ARNT: variants seen among roughly 807,000 people sequenced by gnomAD.
ARNT encodes aryl hydrocarbon receptor nuclear translocator, also known as class E basic helix-loop-helix protein 2.
In ARNT, 30 loss-of-function variants were observed where a neutral mutation model predicts 105.0. That is an observed-to-expected ratio of 0.29 (90% CI 0.21 to 0.39). The LOEUF is 0.39. Ranked by LOEUF, ARNT falls within the 10% of genes least tolerant of loss-of-function variation. ARNT has a pLI of 1.00. For synonymous variants in ARNT, 304 were observed against 344.0 expected, an observed-to-expected ratio of 0.88 and a Z score of 1.29; for missense variants, 748 against 978.7, an observed-to-expected ratio of 0.76 and a Z score of 3.15.
In ARNT at chr1:150,834,650, G is replaced by A. The variant is rs1181974060; in HGVS notation, c.701-10C>T. 1.2e-6 allele frequency: 2 copies of A among 1,612,546 alleles called. No homozygotes were observed. The highest frequency in any genetic ancestry group is 1.1e-5 in the South Asian group (1 of 91,024). On this transcript the variant is annotated splice_polypyrimidine_tract_variant and intron_variant, in intron 7 of 21. Transcript: ENST00000358595. ...AGATCCAGGATACGCCCTGAAGGAA[G>A]ATGTGAAGAGCAGTCTGGAGTGCAT...
chr1:150,827,927 G>A (rs1437459004), intron 12 of ARNT, among the ~76,000 whole-genome samples: 1 of 152,072 alleles, frequency 6.6e-6, no homozygotes, highest in Non-Finnish European at 1.5e-5. Context: ...AAAAGATGTT[G>A]AGCATCTTTT....
rs1397204692 is a variant in ARNT at position 150,876,459 on chromosome 1, C to T, written c.25+84G>A. On this transcript the variant is annotated intron_variant, in intron 1 of 21. Transcript: ENST00000358595. ...GCCCCGGCGCCTTCAGCTCCAGCTG[C>T]GTCCCCTCAGCCCTGGGTCTCCTTA... 9 of 1,523,536 alleles carry T rather than the reference C, an allele frequency of 5.9e-6. 1 individual carries two copies. Among genetic ancestry groups the T allele is most frequent in the Non-Finnish European group, 7.9e-6 (9 of 1,136,618 alleles). 94.4% of individuals were successfully genotyped at this position (1,523,536 alleles called of 1,614,324 possible).
intron 14 of ARNT, among the ~76,000 whole-genome samples, chr1:150,819,379 G>A (rs1210864162): frequency 6.6e-6 from 1 of 152,158 alleles, no homozygotes; most frequent in East Asian, 1.9e-4. Flanking sequence ...CCACTCCTGG[G>A]TGGAATTCAA....
intron 12 of ARNT, 45 bp from the exon 13 acceptor site, chr1:150,826,662 A>T: frequency 1.5e-6 from 2 of 1,370,770 alleles, no homozygotes; most frequent in Non-Finnish European, 2.0e-6. Context: ...TTTTTTTTTT[A>T]AGATGGAGTT....
intron 3 of ARNT, 54 bp downstream of exon 3, chr1:150,852,708 T>C (rs1315057641): frequency 2.2e-5 from 33 of 1,524,162 alleles, no homozygotes; most frequent in Middle Eastern, 1.7e-4. Context: ...AGTATAAAGA[T>C]CATAAACTAA....
intron 14 of ARNT, among the ~76,000 whole-genome samples, chr1:150,822,171 A>G (rs1275425532): frequency 6.6e-6 from 1 of 152,140 alleles, no homozygotes. Flanking sequence ...CACAAATATC[A>G]AAAGAATTTT....
rs1338670659 is a variant in ARNT, at chr1:150,831,677, G to A, written c.955+141C>T. ...AGCTCAATAATGGAAGGGAAGGATT[G>A]TACATTTTCTTTTCCTATTTTCTTT... On this transcript the variant is annotated intron_variant, in intron 10 of 21. Coordinates refer to ENST00000358595, the MANE Select transcript of ARNT (RefSeq NM_001668.4). 6.6e-6 allele frequency: 4 copies of A among 604,448 alleles called. No homozygotes were observed. The Admixed American group carries it at 1.4e-4, about 21-fold the overall frequency. 37.4% of individuals were successfully genotyped at this position (604,448 alleles called of 1,614,324 possible). A position where few individuals can be genotyped will look rare whatever the true frequency, so the allele number is the denominator to read the frequency against.
At chr1:150,863,696 A>C (rs1180129872) in intron 1 of ARNT, among the ~76,000 whole-genome samples, 1 of 151,934 alleles carries the variant, frequency 6.6e-6, no homozygotes, top group South Asian at 2.1e-4. Context: ...AGGCGCCTGT[A>C]ATCCCAGCTA....
At position 150,846,294 on chromosome 1, in the gene ARNT, GATC is replaced by G. The variant is rs746068568; in HGVS notation, c.193_195del (p.Asp65del). The G allele has an allele frequency of 1.7e-4, 275 of 1,613,568 alleles. 5 individuals carry two copies. In the Middle Eastern group the frequency reaches 3.5e-3, roughly 20 times the overall value. On this transcript the variant is annotated inframe_deletion, in exon 4 of 22. Transcript: ENST00000358595. Reference sequence around the variant, plus strand: ...AACCGCTCCTTATCGTTAGACATCTGATCATCATCACACCTGAAGGAGAGAAAA... The same window carrying G: ...AACCGCTCCTTATCGTTAGACATCTGATCATCACACCTGAAGGAGAGAAAA...
intron 3 of ARNT, among the ~76,000 whole-genome samples, chr1:150,852,157 A>G (rs760895130): frequency 6.6e-6 from 1 of 152,230 alleles, no homozygotes; most frequent in Non-Finnish European, 1.5e-5. Flanking sequence ...ACCTCAACCA[A>G]TGAATTACAC....
At chr1:150,844,179 G>C (rs1661754302) in intron 4 of ARNT, among the ~76,000 whole-genome samples, 1 of 152,116 alleles carries the variant, frequency 6.6e-6, no homozygotes, top group Admixed American at 6.6e-5. Context: ...ACATCCTAAA[G>C]ACTTTACAAA....
intron 14 of ARNT, among the ~76,000 whole-genome samples, chr1:150,819,082 A>C (rs906143882): frequency 2.3e-4 from 35 of 152,318 alleles, no homozygotes; most frequent in African/African-American, 8.2e-4. Flanking sequence ...GAATTGGACA[A>C]AACTTGTCAC....
chr1:150,870,058 A>T (rs1232110715), intron 1 of ARNT, among the ~76,000 whole-genome samples: 1 of 152,226 alleles, frequency 6.6e-6, no homozygotes, highest in African/African-American at 2.4e-5. Context: ...GGAAAAAATC[A>T]TAACTTGGAG....
intron 6 of ARNT, 39 bp from the exon 7 acceptor site, chr1:150,836,532 T>C (rs779766733): frequency 1.3e-6 from 2 of 1,581,062 alleles, no homozygotes; most frequent in Non-Finnish European, 1.7e-6. Context: ...TATTTTACTC[T>C]GAAAAAACAA....
chr1:150,822,075 T>C (rs1657222357), intron 14 of ARNT, among the ~76,000 whole-genome samples: 1 of 152,134 alleles, frequency 6.6e-6, no homozygotes, highest in South Asian at 2.1e-4. Context: ...ATATATTTAA[T>C]ACATTCATGT....
rs377081259 is a variant in ARNT, at chr1:150,811,997, C to G, written c.*24G>C. On this transcript the variant is annotated 3_prime_UTR_variant, in exon 22 of 22. Transcript: ENST00000358595. ...ACAAACAGTGATTTTTTCTCCCCCA[C>G]CCCTTATCCTCACCCCAATAGTTCT... The G allele has an allele frequency of 2.2e-4, 322 of 1,446,096 alleles. No individual in the cohort carries two copies. The highest frequency in any genetic ancestry group is 2.8e-4 in the Non-Finnish European group (307 of 1,085,410). 89.6% of individuals were successfully genotyped at this position (1,446,096 alleles called of 1,614,324 possible).
intron 1 of ARNT, among the ~76,000 whole-genome samples, chr1:150,863,395 T>C (rs1666003780): frequency 6.7e-6 from 1 of 149,658 alleles, no homozygotes; most frequent in Admixed American, 6.7e-5. Flanking sequence ...TCAGAGAAGA[T>C]AATCCTGGTT....
intron 1 of ARNT, among the ~76,000 whole-genome samples, chr1:150,871,753 TA>T (rs1202006014): frequency 6.7e-6 from 1 of 148,986 alleles, no homozygotes; most frequent in East Asian, 2.0e-4. Flanking sequence ...CTATTAAAAA[TA>T]AAAAATTAGC....
At chr1:150,815,607 C>A (rs1571174662) in intron 19 of ARNT, among the ~76,000 whole-genome samples, 1 of 150,826 alleles carries the variant, frequency 6.6e-6, no homozygotes, top group Admixed American at 6.6e-5. Context: ...CGCCTGTAAT[C>A]CCAGCACTTT....
Sources: allele counts gnomAD v4.1 joint callset (sites outside exome capture counted in the v4.1 genomes callset), GRCh38; gene constraint gnomAD v4.1.1; transcripts MANE v1.5; gene names NCBI Gene and HGNC (gene_info 2026-07-23, HGNC 2026-07-21).